Variants in FLT3 observed in about 807,000 individuals in gnomAD.
The protein encoded by FLT3 is fms related receptor tyrosine kinase 3, also known as receptor-type tyrosine-protein kinase FLT3.
FLT3 carries 46 observed loss-of-function variants against 126.6 expected under a neutral mutation model. The observed-to-expected ratio is 0.36, with a 90% CI of 0.29 to 0.46. FLT3 has a LOEUF of 0.46. Among genes scored for constraint, FLT3 ranks in the 20% least tolerant of loss-of-function variants. The probability of loss-of-function intolerance (pLI) is 1.00; values close to 1 mark genes in which losing one functional copy is unlikely to be tolerated. For missense variants in FLT3, 1,069 were observed against 1,190.3 expected (o/e 0.90, Z 1.50); for synonymous variants, 404 against 434.4 (o/e 0.93, Z 0.87).
chr13:28,089,694 CT>C (rs1196845540), intron 1 of FLT3, among the ~76,000 whole-genome samples: 1 of 151,206 alleles, frequency 6.6e-6, no homozygotes, highest in Non-Finnish European at 1.5e-5. Context: ...TTGTGAGGGG[CT>C]TGGGGTAGGG....
At chr13:28,067,179 C>T (rs921172220) in intron 2 of FLT3, among the ~76,000 whole-genome samples, 9 of 76,506 alleles carry the variant, frequency 1.2e-4, no homozygotes, top group East Asian at 3.9e-4. Flanking sequence ...TGCGCCACCA[C>T]GCCTGGTTTA....
At chr13:28,032,656 CAAAGGACTG>C (rs2137668552) in intron 15 of FLT3, among the ~76,000 whole-genome samples, 4 of 151,560 alleles carry the variant, frequency 2.6e-5, no homozygotes, top group African/African-American at 9.7e-5. Context: ...GATGAGCCCA[CAAAGGACTG>C]AGTTTCAAAA....
At chr13:28,062,898 A>C (rs1187039099) in intron 2 of FLT3, among the ~76,000 whole-genome samples, 1 of 152,130 alleles carries the variant, frequency 6.6e-6, no homozygotes, top group East Asian at 1.9e-4. Context: ...CTGACATCTT[A>C]ATTTTGGACT....
At chr13:28,068,402 G>A (rs1877217646) in intron 2 of FLT3, 1 of 152,242 alleles carries the variant, frequency 6.6e-6, no homozygotes, top group Admixed American at 6.6e-5. Flanking sequence ...TGCAGTGAGT[G>A]GCTCATGCCT....
intron 1 of FLT3, among the ~76,000 whole-genome samples, chr13:28,089,224 A>G (rs138588301): frequency 6.6e-6 from 1 of 152,228 alleles, no homozygotes; most frequent in East Asian, 1.9e-4. Flanking sequence ...GATGACCTTG[A>G]GCAAATGCAA....
At position 28,062,041 on chromosome 13, in the gene FLT3, C is replaced by T. The variant is rs2137768270; in HGVS notation, c.194G>A (p.Cys65Tyr). 1 of 1,612,524 alleles carries T rather than the reference C, an allele frequency of 6.2e-7. No homozygotes were observed. Among genetic ancestry groups the T allele is most frequent in the Non-Finnish European group, 8.5e-7 (1 of 1,179,964 alleles). The part of the protein sequence containing the change: ...MVSESPEDLG[C>Y]ALRPQSSGTV... ...CCCTGAGCTCTGGGGTCTCAACGCA[C>T]ACCCGAGGTCTTCCGGGGATTCTGA... Residue 65 changes from cysteine (C) to tyrosine (Y), a missense_variant, in exon 3 of 24, where the codon TGT becomes TAT. Physicochemically the swap from Cys to Tyr is radical, Grantham distance 194. Coordinates refer to ENST00000241453, the MANE Select transcript of FLT3 (RefSeq NM_004119.3).
chr13:28,083,692 T>G (rs926607740), intron 1 of FLT3, among the ~76,000 whole-genome samples: 1 of 152,220 alleles, frequency 6.6e-6, no homozygotes, highest in Non-Finnish European at 1.5e-5. Flanking sequence ...GCTTATCAAT[T>G]TTTCTTGAAC....
chr13:28,045,966 A>C (rs1050586365), intron 9 of FLT3, among the ~76,000 whole-genome samples: 1 of 135,002 alleles, frequency 7.4e-6, no homozygotes, highest in Non-Finnish European at 1.6e-5. Flanking sequence ...GCCAGGGGTT[A>C]TTTTTCTCAA....
chr13:28,012,453 T>C (rs962393363), intron 23 of FLT3, among the ~76,000 whole-genome samples: 9 of 152,114 alleles, frequency 5.9e-5, no homozygotes, highest in African/African-American at 2.2e-4. Flanking sequence ...TCTCCCTGTA[T>C]ATTAGGCACA....
intron 23 of FLT3, among the ~76,000 whole-genome samples, 163 bp from the exon 24 acceptor site, chr13:28,004,337 G>A (rs1385157557): frequency 2.0e-5 from 3 of 151,998 alleles, no homozygotes; most frequent in African/African-American, 7.3e-5. Flanking sequence ...ACAGAGTCTC[G>A]CTCTGTTGCC....
chr13:28,046,258 C>T (rs1430411842), intron 9 of FLT3, among the ~76,000 whole-genome samples: 1 of 152,146 alleles, frequency 6.6e-6, no homozygotes, highest in Non-Finnish European at 1.5e-5. Flanking sequence ...AGACAGTAGA[C>T]AACTCCATGC....
intron 3 of FLT3, among the ~76,000 whole-genome samples, chr13:28,059,757 G>A (rs962730633): frequency 2.6e-5 from 4 of 151,274 alleles, no homozygotes; most frequent in Admixed American, 6.6e-5. Context: ...GTCAAAAGAC[G>A]GAGACCATCT....
At chr13:28,013,818 C>T (rs1158024365) in intron 23 of FLT3, among the ~76,000 whole-genome samples, 6 of 152,182 alleles carry the variant, frequency 3.9e-5, no homozygotes, top group African/African-American at 1.4e-4. Context: ...ACTCATGCTT[C>T]ATAAGAAAGG....
intron 15 of FLT3, among the ~76,000 whole-genome samples, chr13:28,029,692 A>T (rs1873142874): frequency 6.6e-6 from 1 of 152,168 alleles, no homozygotes; most frequent in African/African-American, 2.4e-5. Flanking sequence ...AGAACATTAG[A>T]TTTGCCAGCA....
At chr13:28,036,769 G>A (rs898731065) in intron 10 of FLT3, among the ~76,000 whole-genome samples, 2 of 152,192 alleles carry the variant, frequency 1.3e-5, no homozygotes, top group East Asian at 3.9e-4. Flanking sequence ...CTTAAGGCCA[G>A]GAGTTTGAGA....
chr13:28,090,362 A>G (rs1289815679), intron 1 of FLT3, among the ~76,000 whole-genome samples: 4 of 152,102 alleles, frequency 2.6e-5, no homozygotes, highest in Admixed American at 2.6e-4. Flanking sequence ...GGGGAATGGA[A>G]ATGTCTATAT....
chr13:28,053,599 T>C (rs1023395022), intron 4 of FLT3, among the ~76,000 whole-genome samples: 5 of 152,114 alleles, frequency 3.3e-5, no homozygotes, highest in Admixed American at 2.6e-4. Flanking sequence ...CTCTTCAAAG[T>C]AGTTATACCA....
rs1056732794 is a variant in FLT3 at position 28,015,009 on chromosome 13, A to G, written c.2753+148T>C. Reference sequence around the variant, plus strand: ...CCAGGAGTTTGAGACCAGCCTGGCCAACACAGCAAGACCTCACTTCTATTT... The same window carrying G: ...CCAGGAGTTTGAGACCAGCCTGGCCGACACAGCAAGACCTCACTTCTATTT... On this transcript the variant is annotated intron_variant, in intron 22 of 23. Transcript: ENST00000241453. The G allele has an allele frequency of 6.7e-6, 4 of 599,880 alleles. No individual in the cohort carries two copies. In the Admixed American group the frequency reaches 1.2e-4, roughly 18 times the overall value. 37.2% of individuals were successfully genotyped at this position (599,880 alleles called of 1,614,324 possible).
At chr13:28,018,722 G>A (rs1872113893) in intron 19 of FLT3, 133 bp from the exon 20 acceptor site, 1 of 874,828 alleles carries the variant, frequency 1.1e-6, no homozygotes, top group Non-Finnish European at 1.8e-6. Context: ...GCTGTGCCGT[G>A]AGCGGCCATG....
Sources: gnomAD v4.1 joint callset for allele counts (sites outside exome capture counted in the v4.1 genomes callset) on GRCh38, gnomAD v4.1.1 for gene constraint, MANE v1.5 for transcripts, NCBI Gene and HGNC (gene_info 2026-07-23, HGNC 2026-07-21) for gene names.